The following SLC12A1 variants were observed in gnomAD, a reference collection of about 807,000 sequenced individuals.
SLC12A1 encodes Na-K-2Cl cotransporter.
Under a neutral mutation model 130.4 loss-of-function variants are expected in SLC12A1, and 89 were observed. The observed-to-expected ratio is 0.68, with a 90% CI of 0.58 to 0.81. The LOEUF is 0.81. Ranked by LOEUF, SLC12A1 falls within the 40% of genes least tolerant of loss-of-function variation. The pLI is 0.00. For synonymous variants in SLC12A1, 499 were observed against 460.0 expected (o/e 1.08, Z -1.09); for missense variants, 1,310 against 1,336.4 (o/e 0.98, Z 0.31).
Position 48,212,625 on chromosome 15 carries a change from A to C in SLC12A1, c.420+4486A>C, listed in dbSNP as rs149497552. Among the ~76,000 whole-genome samples, 14 of 152,270 alleles carry C rather than the reference A, an allele frequency of 9.2e-5. No homozygotes were observed. In the East Asian group the frequency reaches 2.7e-3, roughly 29 times the overall value. On this transcript the variant is annotated intron_variant, in intron 2 of 26. Transcript: ENST00000380993. ...TTACTACAGGACTAACCAAAATGGA[A>C]CTCCTTTTCAGCCTTACTAACCACC...
chr15:48,212,095 G>C (rs1330557920), intron 2 of SLC12A1, among the ~76,000 whole-genome samples: 1 of 152,072 alleles, frequency 6.6e-6, no homozygotes, highest in Admixed American at 6.6e-5. Flanking sequence ...TAAGTATAAA[G>C]TCTACCCTTA....
chr15:48,212,731 T>C (rs1353767598), intron 2 of SLC12A1, among the ~76,000 whole-genome samples: 1 of 152,196 alleles, frequency 6.6e-6, no homozygotes, highest in Non-Finnish European at 1.5e-5. Flanking sequence ...CCATGTGTCA[T>C]TGAAATAAGC....
intron 2 of SLC12A1, among the ~76,000 whole-genome samples, chr15:48,214,648 C>G (rs534519164): frequency 6.6e-6 from 1 of 152,146 alleles, no homozygotes; most frequent in East Asian, 1.9e-4. Context: ...TAATATTGAT[C>G]AGTAAGGTAT....
In SLC12A1 at chr15:48,220,767, T is replaced by C; in HGVS notation, c.552+2T>C. 6.2e-7 allele frequency: 1 copy of C among 1,613,974 alleles called. No homozygotes were observed. Among genetic ancestry groups the C allele is most frequent in the East Asian group, 2.2e-5 (1 of 44,874 alleles). ...TTTGGATGGGTGAAAGGTGTGCTGG[T>C]GAGAAAGCTCTTCTGTTTACAAATG... is the stretch of plus-strand genomic sequence containing the variant. On this transcript the variant is annotated splice_donor_variant, in intron 3 of 26. Coordinates refer to ENST00000380993, the MANE Select transcript of SLC12A1 (RefSeq NM_000338.3). LOFTEE classifies it high-confidence loss of function.
chr15:48,232,621 A>G, intron 7 of SLC12A1, 106 bp from the exon 8 acceptor site: 3 of 764,270 alleles, frequency 3.9e-6, no homozygotes, highest in Non-Finnish European at 7.1e-6. Flanking sequence ...GACTTAACTG[A>G]AATATCAGAT....
At position 48,302,815 on chromosome 15, in the gene SLC12A1, T is replaced by G. The variant is rs781374278; in HGVS notation, c.3230T>G (p.Leu1077Arg). ...DLLYMAWLEI[L>R]TKNLPPVLLV... ...TTGTATATGGCTTGGTTGGAAATCC[T>G]CACAAAGAACCTCCCACCTGTCTTA... Residue 1077 changes from leucine to arginine, a missense_variant, in exon 27 of 27, where the codon CTC (leucine) becomes CGC (arginine). Coordinates refer to ENST00000380993, the MANE Select transcript of SLC12A1 (RefSeq NM_000338.3). 3.7e-6 allele frequency: 6 copies of G among 1,613,350 alleles called. No individual in the cohort carries two copies. Among genetic ancestry groups the G allele is most frequent in the Non-Finnish European group, 5.1e-6 (6 of 1,179,488 alleles).
chr15:48,299,051 C>A, intron 24 of SLC12A1, 89 bp from the exon 25 acceptor site: 1 of 1,141,694 alleles, frequency 8.8e-7, no homozygotes, highest in Non-Finnish European at 1.3e-6. Flanking sequence ...TCTGATTCCA[C>A]AGCCAGCAGA....
At position 48,302,745 on chromosome 15, in the gene SLC12A1, A is replaced by G; in HGVS notation, c.3165-5A>G. On this transcript the variant is annotated splice_region_variant and splice_polypyrimidine_tract_variant and intron_variant, in intron 26 of 26. Transcript: ENST00000380993. ...CATTTTTAAATTTTTCCTTCATGTCATTAGGAGCCTTCCCGTGGCAAGAAA... is the reference window on the plus strand; with the variant it reads ...CATTTTTAAATTTTTCCTTCATGTCGTTAGGAGCCTTCCCGTGGCAAGAAA... 2 of 1,603,960 alleles carry G rather than the reference A, an allele frequency of 1.2e-6. No individual in the cohort carries two copies. The highest frequency in any genetic ancestry group is 1.7e-6 in the Non-Finnish European group (2 of 1,175,554).
At chr15:48,262,617 G>A (rs1383146849) in intron 17 of SLC12A1, among the ~76,000 whole-genome samples, 1 of 151,978 alleles carries the variant, frequency 6.6e-6, no homozygotes, top group African/African-American at 2.4e-5. Flanking sequence ...GGGTAAATTT[G>A]GGGACCCATT....
In SLC12A1 at chr15:48,285,250, G is replaced by A. The variant is rs1361649561; in HGVS notation, c.2629+1G>A. ...ATTACTAAGACAACGCCTAAAAAAGGTAAGAACTTTTTAAAATTTGCAAAA... is the reference window on the plus strand; with the variant it reads ...ATTACTAAGACAACGCCTAAAAAAGATAAGAACTTTTTAAAATTTGCAAAA... On this transcript the variant is annotated splice_donor_variant, in intron 21 of 26. Coordinates refer to ENST00000380993, the MANE Select transcript of SLC12A1 (RefSeq NM_000338.3). LOFTEE classifies it high-confidence loss of function. The A allele has an allele frequency of 1.9e-6, 3 of 1,613,184 alleles. No homozygotes were observed. The highest frequency in any genetic ancestry group is 1.3e-5 in the African/African-American group (1 of 74,934).
intron 20 of SLC12A1, among the ~76,000 whole-genome samples, chr15:48,279,389 T>G (rs1281817643): frequency 6.6e-6 from 1 of 152,212 alleles, no homozygotes; most frequent in Non-Finnish European, 1.5e-5. Context: ...TATTAGCAAT[T>G]CAGAGTGCCC....
chr15:48,214,557 A>G (rs1455755634), intron 2 of SLC12A1, among the ~76,000 whole-genome samples: 1 of 152,208 alleles, frequency 6.6e-6, no homozygotes, highest in Admixed American at 6.5e-5. Context: ...AATAACTTTC[A>G]AAACAAGAAA....
At chr15:48,222,132 CCGTTCCATGGAAAA>C (rs1278356322) in intron 4 of SLC12A1, among the ~76,000 whole-genome samples, 2 of 152,124 alleles carry the variant, frequency 1.3e-5, no homozygotes, top group Non-Finnish European at 2.9e-5. Flanking sequence ...TAAGTATATG[CCGTTCCATGGAAAA>C]TCTGCATCTT....
At chr15:48,234,236 A>C (rs1457708931) in intron 8 of SLC12A1, among the ~76,000 whole-genome samples, 1 of 152,120 alleles carries the variant, frequency 6.6e-6, no homozygotes, top group African/African-American at 2.4e-5. Flanking sequence ...TGGGTATGCC[A>C]GTGTGATCAT....
At chr15:48,266,426 T>C (rs1195630845) in intron 17 of SLC12A1, among the ~76,000 whole-genome samples, 2 of 148,502 alleles carry the variant, frequency 1.3e-5, no homozygotes, top group Admixed American at 1.4e-4. Context: ...ACCTGTTTTG[T>C]CTGACCGCAA....
At chr15:48,245,194 G>A (rs1352261299) in intron 11 of SLC12A1, among the ~76,000 whole-genome samples, 1 of 152,166 alleles carries the variant, frequency 6.6e-6, no homozygotes, top group East Asian at 1.9e-4. Flanking sequence ...ATTTCATGGT[G>A]GAAAGGAACC....
intron 23 of SLC12A1, 145 bp downstream of exon 23, chr15:48,288,661 T>C (rs915428072): frequency 3.5e-6 from 2 of 566,816 alleles, no homozygotes; most frequent in African/African-American, 3.8e-5. Flanking sequence ...CTTGGTTATC[T>C]GGTCAGTAAA....
At chr15:48,265,075 T>C (rs2041818610) in intron 17 of SLC12A1, among the ~76,000 whole-genome samples, 1 of 152,212 alleles carries the variant, frequency 6.6e-6, no homozygotes, top group Admixed American at 6.5e-5. Context: ...TGTTGAATAA[T>C]TGTATTCCAG....
chr15:48,230,337 T>G (rs988735042), intron 6 of SLC12A1, 56 bp from the exon 7 acceptor site: 2 of 1,027,022 alleles, frequency 1.9e-6, no homozygotes, highest in African/African-American at 3.2e-5. Flanking sequence ...AATGCTGCAA[T>G]AAGACTCACA....
Sources: allele counts gnomAD v4.1 joint callset (sites outside exome capture counted in the v4.1 genomes callset), GRCh38; gene constraint gnomAD v4.1.1; transcripts MANE v1.5; gene names NCBI Gene and HGNC (gene_info 2026-07-23, HGNC 2026-07-21).